Variants in NALF1 observed in about 807,000 individuals in gnomAD.
The protein encoded by NALF1 is family with sequence similarity 155 member A.
NALF1 carries 3 observed loss-of-function variants against 48.4 expected under a neutral mutation model. The observed-to-expected ratio is 0.06, with a 90% CI of 0.03 to 0.16. The LOEUF is 0.16. NALF1 is among the 10% of genes least tolerant of loss of function. The probability of loss-of-function intolerance (pLI) is 1.00; values close to 1 mark genes in which losing one functional copy is unlikely to be tolerated. For missense variants in NALF1, 526 were observed against 571.5 expected (o/e 0.92, Z 0.81); for synonymous variants, 262 against 245.7 (o/e 1.07, Z -0.62).
chr13:107,603,411 CTTTTTATAAA>C (rs1232887755), intron 1 of NALF1, among the ~76,000 whole-genome samples: 1 of 152,094 alleles, frequency 6.6e-6, no homozygotes, highest in Non-Finnish European at 1.5e-5. Context: ...ATGAGAGGTT[CTTTTTATAAA>C]TTTGAAGCAA....
chr13:107,187,388 C>A (rs1879197441), intron 2 of NALF1, among the ~76,000 whole-genome samples: 1 of 152,112 alleles, frequency 6.6e-6, no homozygotes, highest in Admixed American at 6.6e-5. Flanking sequence ...TGGATCCTGG[C>A]TCTTCTACAT....
intron 1 of NALF1, among the ~76,000 whole-genome samples, chr13:107,307,289 C>G (rs1881954786): frequency 6.6e-6 from 1 of 151,990 alleles, no homozygotes; most frequent in South Asian, 2.1e-4. Flanking sequence ...AAACAAGAAC[C>G]AAGATGTCTA....
At chr13:107,388,679 T>C (rs1422523465) in intron 1 of NALF1, among the ~76,000 whole-genome samples, 1 of 152,078 alleles carries the variant, frequency 6.6e-6, no homozygotes, top group African/African-American at 2.4e-5. Flanking sequence ...GTGTACTCCA[T>C]CAAGAAAAAG....
At chr13:107,850,595 G>T (rs1880283265) in intron 1 of NALF1, among the ~76,000 whole-genome samples, 1 of 152,128 alleles carries the variant, frequency 6.6e-6, no homozygotes, top group African/African-American at 2.4e-5. Flanking sequence ...AACAATGTTT[G>T]GAAAGCGATA....
intron 1 of NALF1, among the ~76,000 whole-genome samples, chr13:107,792,900 C>G (rs1442193982): frequency 1.3e-5 from 2 of 152,116 alleles, no homozygotes; most frequent in African/African-American, 4.8e-5. Context: ...GCCATGTATA[C>G]TGGCCTCAAG....
At chr13:107,710,510 G>A (rs1875536931) in intron 1 of NALF1, among the ~76,000 whole-genome samples, 1 of 152,104 alleles carries the variant, frequency 6.6e-6, no homozygotes. Context: ...CATGGCTGGG[G>A]AAGCCTCAGA....
intron 1 of NALF1, among the ~76,000 whole-genome samples, chr13:107,444,503 G>C (rs762535192): frequency 6.6e-6 from 1 of 152,136 alleles, no homozygotes; most frequent in Non-Finnish European, 1.5e-5. Flanking sequence ...ATAAATAAGA[G>C]AGTTGGAATA....
At chr13:107,317,757 CAAGAT>C (rs1882178334) in intron 1 of NALF1, among the ~76,000 whole-genome samples, 1 of 151,638 alleles carries the variant, frequency 6.6e-6, no homozygotes, top group Non-Finnish European at 1.5e-5. Context: ...ACCACAAAGA[CAAGAT>C]ATCTGGGAGT....
At chr13:107,818,158 G>C (rs1014557216) in intron 1 of NALF1, among the ~76,000 whole-genome samples, 4 of 152,222 alleles carry the variant, frequency 2.6e-5, no homozygotes, top group Middle Eastern at 3.4e-3. Context: ...TTCTGACTAG[G>C]TCAAGTGCAT....
intron 1 of NALF1, among the ~76,000 whole-genome samples, chr13:107,833,547 G>T (rs564047581): frequency 4.9e-4 from 75 of 152,244 alleles, no homozygotes; most frequent in Admixed American, 1.1e-3. Context: ...TTTCTTGGGT[G>T]CCATGTTTAA....
At chr13:107,701,476 T>G (rs895980631) in intron 1 of NALF1, among the ~76,000 whole-genome samples, 1 of 151,712 alleles carries the variant, frequency 6.6e-6, no homozygotes, top group African/African-American at 2.4e-5. Context: ...TATACAGAAA[T>G]AGAGAATAAA....
chr13:107,828,745 A>C (rs1879610538), intron 1 of NALF1, among the ~76,000 whole-genome samples: 1 of 152,142 alleles, frequency 6.6e-6, no homozygotes, highest in Admixed American at 6.6e-5. Flanking sequence ...GAAGCAAATA[A>C]AACAATAATG....
intron 1 of NALF1, among the ~76,000 whole-genome samples, chr13:107,761,614 C>T (rs558534233): frequency 2.0e-5 from 3 of 152,226 alleles, no homozygotes; most frequent in South Asian, 4.1e-4. Context: ...TTAGGAATTA[C>T]GGTAATTCCA....
At chr13:107,729,540 G>A (rs112732683) in intron 1 of NALF1, among the ~76,000 whole-genome samples, 1,907 of 151,892 alleles carry the variant, frequency 0.013, 42 homozygotes, top group African/African-American at 0.044. Flanking sequence ...GCAGTGGCGC[G>A]ACCTCAGCTC....
chr13:107,232,423 G>T (rs77076172), intron 1 of NALF1, among the ~76,000 whole-genome samples: 3,408 of 152,248 alleles, frequency 0.022, 83 homozygotes, highest in South Asian at 0.078. Context: ...AAAAGATGAT[G>T]CAGTATTAAC....
chr13:107,798,621 T>C (rs570884125), intron 1 of NALF1, among the ~76,000 whole-genome samples: 1 of 152,310 alleles, frequency 6.6e-6, no homozygotes, highest in African/African-American at 2.4e-5. Flanking sequence ...TAACAAGTGA[T>C]TACAATTTAA....
At chr13:107,785,342 G>A (rs1878040754) in intron 1 of NALF1, among the ~76,000 whole-genome samples, 1 of 151,844 alleles carries the variant, frequency 6.6e-6, no homozygotes, top group African/African-American at 2.4e-5. Flanking sequence ...ATAAAGACAT[G>A]GTCTATATGA....
At chr13:107,178,329 T>C (rs1235419461) in intron 2 of NALF1, among the ~76,000 whole-genome samples, 1 of 152,128 alleles carries the variant, frequency 6.6e-6, no homozygotes, top group Non-Finnish European at 1.5e-5. Flanking sequence ...ATAAGCAGAA[T>C]ACATAAGGGG....
intron 1 of NALF1, among the ~76,000 whole-genome samples, chr13:107,364,901 TCCTCTC>T (rs1261330112): frequency 1.6e-3 from 238 of 149,264 alleles, no homozygotes; most frequent in African/African-American, 2.6e-3. Context: ...TTCTTTCTTC[TCCTCTC>T]CCTCTCCCTC....
Sources: allele counts gnomAD v4.1 joint callset (sites outside exome capture counted in the v4.1 genomes callset), GRCh38; gene constraint gnomAD v4.1.1; transcripts MANE v1.5; gene names NCBI Gene and HGNC (gene_info 2026-07-23, HGNC 2026-07-21).